The following RAPGEF4 variants were observed in gnomAD, a reference collection of about 807,000 sequenced individuals.
RAPGEF4 encodes the protein Rap guanine nucleotide exchange factor 4, also known as RAP guanine-nucleotide-exchange factor (GEF) 4.
In RAPGEF4, 66 loss-of-function variants were observed where a neutral mutation model predicts 147.9. That is an observed-to-expected ratio of 0.45 (90% CI 0.37 to 0.55). RAPGEF4 has a LOEUF of 0.55. Among genes scored for constraint, RAPGEF4 ranks in the 20% least tolerant of loss-of-function variants. The probability of loss-of-function intolerance (pLI) is 0.00; values close to 1 mark genes in which losing one functional copy is unlikely to be tolerated. For missense variants in RAPGEF4, 1,071 were observed against 1,257.3 expected (o/e 0.85, Z 2.24); for synonymous variants, 419 against 442.7 (o/e 0.95, Z 0.67).
chr2:172,884,226 G>A (rs1195997433), intron 4 of RAPGEF4, among the ~76,000 whole-genome samples: 1 of 152,176 alleles, frequency 6.6e-6, no homozygotes, highest in Non-Finnish European at 1.5e-5. Context: ...TTTCAAGTTG[G>A]AAGCCATGAA....
At chr2:173,026,471 C>G (rs1031563970) in intron 23 of RAPGEF4, 101 bp from the exon 24 acceptor site, 10 of 1,262,104 alleles carry the variant, frequency 7.9e-6, no homozygotes, top group Non-Finnish European at 9.7e-6. Context: ...TGAAAGCGTC[C>G]ATCTCCAGAA....
chr2:172,752,615 A>T (rs1695401009), intron 1 of RAPGEF4, among the ~76,000 whole-genome samples: 1 of 152,196 alleles, frequency 6.6e-6, no homozygotes, highest in African/African-American at 2.4e-5. Context: ...ATTTACCAAA[A>T]ATAATTTAAA....
At chr2:172,740,425 AT>A (rs1372025670) in intron 1 of RAPGEF4, among the ~76,000 whole-genome samples, 1 of 152,094 alleles carries the variant, frequency 6.6e-6, no homozygotes. Context: ...CAGCAGATGA[AT>A]TTTTTTTAAG....
At position 172,983,536 on chromosome 2, in the gene RAPGEF4, G is replaced by C; in HGVS notation, c.1045G>C (p.Glu349Gln). Residue 349 changes from glutamate (E) to glutamine (Q), a missense_variant, in exon 11 of 31, where the codon GAG (glutamate) becomes CAG (glutamine). Physicochemically the swap from Glu to Gln is conservative, Grantham distance 29. Coordinates refer to ENST00000397081, the MANE Select transcript of RAPGEF4 (RefSeq NM_007023.4). ...RTVDDLEIIY[E>Q]ELLHIKALSH... ...TGTGGATGACCTAGAGATTATCTAT[G>C]AGGAGCTTCTTCATATTAAAGCCTT... 1 of 1,612,388 alleles carries C rather than the reference G, an allele frequency of 6.2e-7. No individual in the cohort carries two copies.
chr2:172,770,730 A>T (rs1489221239), intron 1 of RAPGEF4, among the ~76,000 whole-genome samples: 1 of 152,204 alleles, frequency 6.6e-6, no homozygotes, highest in Non-Finnish European at 1.5e-5. Context: ...ATTAGGAAAT[A>T]ATCTTCCCTG....
At chr2:172,900,722 A>G (rs116751950) in intron 4 of RAPGEF4, among the ~76,000 whole-genome samples, 2,250 of 152,236 alleles carry the variant, frequency 0.015, 62 homozygotes, top group African/African-American at 0.052. Context: ...TTGCCCCCAA[A>G]TACTTGAGCA....
intron 1 of RAPGEF4, among the ~76,000 whole-genome samples, chr2:172,785,723 A>C (rs1198403907): frequency 6.6e-6 from 1 of 152,208 alleles, no homozygotes; most frequent in Non-Finnish European, 1.5e-5. Flanking sequence ...TAGTCTGCTA[A>C]TGTGGTCCAT....
intron 25 of RAPGEF4, among the ~76,000 whole-genome samples, chr2:173,028,506 A>G (rs186284362): frequency 6.6e-6 from 1 of 152,262 alleles, no homozygotes; most frequent in African/African-American, 2.4e-5. Flanking sequence ...TGATCCTGTT[A>G]TTTTACAGAG....
chr2:173,039,319 G>A (rs1684451661), intron 29 of RAPGEF4, among the ~76,000 whole-genome samples: 1 of 151,044 alleles, frequency 6.6e-6, no homozygotes, highest in Non-Finnish European at 1.5e-5. Context: ...AAAAAAATTA[G>A]CCGGGTGTGG....
chr2:172,960,507 T>C (rs1434176161), intron 6 of RAPGEF4, among the ~76,000 whole-genome samples: 1 of 152,218 alleles, frequency 6.6e-6, no homozygotes, highest in Non-Finnish European at 1.5e-5. Flanking sequence ...CCTACAAACA[T>C]CTAATCATTC....
chr2:172,975,177 C>T (rs944887436), intron 10 of RAPGEF4, among the ~76,000 whole-genome samples: 2 of 152,192 alleles, frequency 1.3e-5, no homozygotes, highest in Admixed American at 1.3e-4. Context: ...TGCCTCTCTT[C>T]ACAGCTCTTT....
At chr2:172,832,229 A>G (rs1205142275) in intron 4 of RAPGEF4, among the ~76,000 whole-genome samples, 1 of 152,232 alleles carries the variant, frequency 6.6e-6, no homozygotes, top group East Asian at 1.9e-4. Context: ...TAATAAACAG[A>G]TCTATGATCG....
chr2:172,908,731 C>T (rs572167085), intron 4 of RAPGEF4, among the ~76,000 whole-genome samples: 2 of 152,248 alleles, frequency 1.3e-5, no homozygotes, highest in South Asian at 4.2e-4. Flanking sequence ...ATCATTGGGG[C>T]TGAAGGCCAT....
At chr2:173,022,288 C>T (rs143421818) in intron 23 of RAPGEF4, among the ~76,000 whole-genome samples, 286 of 152,328 alleles carry the variant, frequency 1.9e-3, no homozygotes, top group African/African-American at 6.5e-3. Context: ...TTTGTTGGCA[C>T]ACAGTCCTGC....
chr2:172,797,381 T>C, intron 2 of RAPGEF4, 144 bp from the exon 3 acceptor site: 1 of 601,626 alleles, frequency 1.7e-6, no homozygotes. Context: ...GAAAAACATG[T>C]TATGTTCCTG....
intron 1 of RAPGEF4, among the ~76,000 whole-genome samples, chr2:172,756,824 A>G (rs1480634268): frequency 1.3e-5 from 2 of 152,230 alleles, no homozygotes; most frequent in East Asian, 1.9e-4. Context: ...AAGAATTCCT[A>G]GTGAAGTAAA....
intron 14 of RAPGEF4, among the ~76,000 whole-genome samples, chr2:172,989,542 T>C (rs1213808817): frequency 1.3e-5 from 2 of 152,118 alleles, no homozygotes; most frequent in Non-Finnish European, 2.9e-5. Flanking sequence ...TTTGTGAGTG[T>C]GGGTGATGTT....
chr2:173,021,844 A>G lies in RAPGEF4; in HGVS notation c.2253+1129A>G, dbSNP rs190235249. On this transcript the variant is annotated intron_variant, in intron 23 of 30. Coordinates refer to ENST00000397081, the MANE Select transcript of RAPGEF4 (RefSeq NM_007023.4). ...TAGGTGGATTTTTACCATATTTTGA[A>G]TTCACTTGGAGAGGAACTTAGCAAA... Among the ~76,000 whole-genome samples, 446 of 152,148 alleles carry G rather than the reference A, an allele frequency of 2.9e-3. 2 individuals are homozygous for G. Among genetic ancestry groups the G allele is most frequent in the Non-Finnish European group, 4.6e-3 (313 of 68,002 alleles).
intron 4 of RAPGEF4, among the ~76,000 whole-genome samples, chr2:172,846,142 T>A (rs1281516384): frequency 6.6e-6 from 1 of 152,226 alleles, no homozygotes; most frequent in African/African-American, 2.4e-5. Context: ...TGTAATTCAA[T>A]GATTTTTAGT....
Sources: allele counts gnomAD v4.1 joint callset (sites outside exome capture counted in the v4.1 genomes callset), GRCh38; gene constraint gnomAD v4.1.1; transcripts MANE v1.5; gene names NCBI Gene and HGNC (gene_info 2026-07-23, HGNC 2026-07-21).